Variants in CACNA2D3 observed in about 807,000 individuals in gnomAD.
CACNA2D3 encodes the protein calcium voltage-gated channel auxiliary subunit alpha2delta 3.
Under a neutral mutation model 160.6 loss-of-function variants are expected in CACNA2D3, and 60 were observed. The ratio of observed to expected loss-of-function variants is 0.37; its 90% CI spans 0.30 to 0.46. The LOEUF is 0.46. CACNA2D3 is among the 20% of genes least tolerant of loss of function. The pLI is 1.00. For synonymous variants in CACNA2D3, 558 were observed against 492.9 expected (o/e 1.13, Z -1.75); for missense variants, 1,205 against 1,365.0 (o/e 0.88, Z 1.85).
chr3:54,868,345 G>T (rs1699449928), intron 17 of CACNA2D3, among the ~76,000 whole-genome samples: 1 of 152,156 alleles, frequency 6.6e-6, no homozygotes, highest in South Asian at 2.1e-4. Flanking sequence ...GTGTTCCAGA[G>T]GAAGTATCCC....
chr3:54,502,926 T>G, intron 4 of CACNA2D3, among the ~76,000 whole-genome samples: 1 of 152,204 alleles, frequency 6.6e-6, no homozygotes, highest in East Asian at 1.9e-4. Context: ...TCCCTTGCTG[T>G]TCTTTCTCGG....
chr3:54,644,263 T>A (rs1482258450), intron 11 of CACNA2D3, among the ~76,000 whole-genome samples: 2 of 152,078 alleles, frequency 1.3e-5, no homozygotes, highest in Non-Finnish European at 2.9e-5. Context: ...AATTTCAACA[T>A]TACTTAAAGC....
In CACNA2D3 at chr3:54,252,100, G is replaced by GTTTTTTT. The variant is rs548233026; in HGVS notation, c.205-68334_205-68328dup. Among the ~76,000 whole-genome samples the GTTTTTTT allele has an allele frequency of 1.1e-3, 129 of 120,962 alleles. 7 individuals are homozygous for GTTTTTTT. Among genetic ancestry groups the GTTTTTTT allele is most frequent in the African/African-American group, 3.7e-3 (109 of 29,196 alleles). The allele number at this position is 120,962 out of a possible 152,430, so 79.4% of individuals were successfully genotyped here. A position where few individuals can be genotyped will look rare whatever the true frequency, so the allele number is the denominator to read the frequency against. On this transcript the variant is annotated intron_variant, in intron 2 of 37. Transcript: ENST00000474759. Reference sequence around the variant, plus strand: ...TCCAATTTCTCTTTTTGCAGAGCTAGTTTTTTTTTTTTTTGTACGATACTC... The same window carrying GTTTTTTT: ...TCCAATTTCTCTTTTTGCAGAGCTAGTTTTTTTTTTTTTTTTTTTTTGTACGATACTC...
At chr3:54,273,546 G>A (rs564946430) in intron 2 of CACNA2D3, among the ~76,000 whole-genome samples, 68 of 152,252 alleles carry the variant, frequency 4.5e-4, no homozygotes, top group African/African-American at 1.4e-3. Flanking sequence ...ACAGGGCAGC[G>A]TTTCCCCTTT....
At chr3:54,504,528 T>G (rs900895214) in intron 5 of CACNA2D3, among the ~76,000 whole-genome samples, 1 of 152,176 alleles carries the variant, frequency 6.6e-6, no homozygotes, top group Non-Finnish European at 1.5e-5. Flanking sequence ...TTCAGCATCT[T>G]TATCCTATTG....
At chr3:54,496,322 C>T (rs536486654) in intron 4 of CACNA2D3, among the ~76,000 whole-genome samples, 49 of 152,204 alleles carry the variant, frequency 3.2e-4, no homozygotes, top group African/African-American at 1.0e-3. Flanking sequence ...TTAATATTAC[C>T]GGAATTTTTA....
chr3:54,449,420 G>A (rs540954515), intron 4 of CACNA2D3, among the ~76,000 whole-genome samples: 1 of 152,260 alleles, frequency 6.6e-6, no homozygotes, highest in South Asian at 2.1e-4. Context: ...TGCTAATTTG[G>A]TGTTTTAAGT....
intron 25 of CACNA2D3, among the ~76,000 whole-genome samples, chr3:54,895,215 T>A (rs17054521): frequency 5.9e-5 from 9 of 152,102 alleles, no homozygotes; most frequent in Non-Finnish European, 8.8e-5. Context: ...TTTGAAGATA[T>A]AGGAAATTGT....
chr3:54,742,833 G>A (rs910526225), intron 11 of CACNA2D3, among the ~76,000 whole-genome samples: 6 of 152,170 alleles, frequency 3.9e-5, no homozygotes, highest in Non-Finnish European at 1.5e-5. Context: ...TCCATGGGAG[G>A]CCTTGCCTAA....
intron 2 of CACNA2D3, among the ~76,000 whole-genome samples, chr3:54,129,438 T>TAACATGTATTATA (rs1699662343): frequency 1.3e-5 from 2 of 152,374 alleles, no homozygotes; most frequent in African/African-American, 4.8e-5. Flanking sequence ...ACTAAATTTA[T>TAACATGTATTATA]AACATGTATT....
chr3:54,137,230 C>A (rs770068881), intron 2 of CACNA2D3, among the ~76,000 whole-genome samples: 8 of 152,160 alleles, frequency 5.3e-5, no homozygotes, highest in Non-Finnish European at 1.2e-4. Context: ...GGCTTTGGAG[C>A]AAGTCAGACA....
At chr3:54,490,819 A>G (rs1701097610) in intron 4 of CACNA2D3, among the ~76,000 whole-genome samples, 1 of 152,102 alleles carries the variant, frequency 6.6e-6, no homozygotes, top group Non-Finnish European at 1.5e-5. Flanking sequence ...GTTGCTGGGA[A>G]GGGGAAAGGC....
intron 3 of CACNA2D3, among the ~76,000 whole-genome samples, chr3:54,347,696 AGAAG>A (rs1437444285): frequency 6.6e-6 from 1 of 151,524 alleles, no homozygotes; most frequent in African/African-American, 2.4e-5. Flanking sequence ...CCTTCTTCAT[AGAAG>A]GCTCCTTTAG....
In CACNA2D3 at chr3:54,891,445, C is replaced by A. The variant is rs1469635682; in HGVS notation, c.2241C>A (p.Thr747=). ...TGTTTGTCGGGGCTGAGCAGCTCACCAATCAGTAAGTAGGAGGGATCCTCT... is the reference window on the plus strand; with the variant it reads ...TGTTTGTCGGGGCTGAGCAGCTCACAAATCAGTAAGTAGGAGGGATCCTCT... ...INLFVGAEQL[T]NQDFLKAGDK... Residue 747 remains threonine, a synonymous_variant, in exon 25 of 38, where the codon ACC becomes ACA. Coordinates refer to ENST00000474759, the MANE Select transcript of CACNA2D3 (RefSeq NM_018398.3). 1.9e-6 allele frequency: 3 copies of A among 1,612,950 alleles called. No individual in the cohort carries two copies. The highest frequency in any genetic ancestry group is 2.5e-6 in the Non-Finnish European group (3 of 1,179,014).
chr3:54,675,242 AGACAGACTTG>A (rs1237264929), intron 11 of CACNA2D3, among the ~76,000 whole-genome samples: 7 of 152,170 alleles, frequency 4.6e-5, no homozygotes, highest in Admixed American at 3.9e-4. Flanking sequence ...TTCCAAGGAC[AGACAGACTTG>A]GACAGCCAGA....
intron 3 of CACNA2D3, among the ~76,000 whole-genome samples, chr3:54,321,319 CAAA>C (rs11288559): frequency 5.0e-5 from 7 of 140,596 alleles, no homozygotes; most frequent in Admixed American, 4.2e-4. Flanking sequence ...GACTCCGGCT[CAAA>C]AAAAAAAAAA....
intron 4 of CACNA2D3, among the ~76,000 whole-genome samples, chr3:54,401,136 C>T (rs77398929): frequency 2.0e-5 from 3 of 151,628 alleles, no homozygotes; most frequent in Non-Finnish European, 4.4e-5. Context: ...CAGACTAGAT[C>T]AAGCAGAAGA....
intron 10 of CACNA2D3, among the ~76,000 whole-genome samples, chr3:54,635,332 ACTTCAAGAGTT>A (rs1276874018): frequency 2.6e-5 from 4 of 152,030 alleles, no homozygotes; most frequent in African/African-American, 9.7e-5. Context: ...TTATTTATTT[ACTTCAAGAGTT>A]AAGAGTGGCG....
intron 13 of CACNA2D3, among the ~76,000 whole-genome samples, chr3:54,784,577 A>G (rs369818943): frequency 1.3e-5 from 2 of 152,182 alleles, no homozygotes; most frequent in African/African-American, 2.4e-5. Context: ...AATCAGTCTT[A>G]TATTCAAACA....
Sources: gnomAD v4.1 joint callset for allele counts (sites outside exome capture counted in the v4.1 genomes callset) on GRCh38, gnomAD v4.1.1 for gene constraint, MANE v1.5 for transcripts, NCBI Gene and HGNC (gene_info 2026-07-23, HGNC 2026-07-21) for gene names.